The following ARHGAP24 variants were observed in gnomAD, a reference collection of about 807,000 sequenced individuals.
The protein encoded by ARHGAP24 is Rho GTPase activating protein 24, also known as rho GTPase-activating protein 24.
In ARHGAP24, 50 loss-of-function variants were observed where a neutral mutation model predicts 76.4. The ratio of observed to expected loss-of-function variants is 0.65; its 90% CI spans 0.52 to 0.83. The LOEUF (loss-of-function observed/expected upper bound fraction) is 0.83, where lower values mean the gene tolerates loss of function less well. ARHGAP24 is among the 40% of genes least tolerant of loss of function. The pLI is 0.00. For missense variants in ARHGAP24, 930 were observed against 914.2 expected, an observed-to-expected ratio of 1.02 and a Z score of -0.22; for synonymous variants, 345 against 323.3, an observed-to-expected ratio of 1.07 and a Z score of -0.72.
Position 85,648,189 on chromosome 4 carries a change from C to T in ARHGAP24, c.181-73696C>T, listed in dbSNP as rs113446112. 5.5e-3 allele frequency among the ~76,000 whole-genome samples: 844 copies of T among 152,184 alleles called. 8 individuals are homozygous for T. Among genetic ancestry groups the T allele is most frequent in the African/African-American group, 0.019 (808 of 41,538 alleles). Reference sequence around the variant, plus strand: ...CTAAATGTGGAAACTCCTGATCCTACGCCAGATCGGAGGGGGAGCTAGGTA... The same window carrying T: ...CTAAATGTGGAAACTCCTGATCCTATGCCAGATCGGAGGGGGAGCTAGGTA... On this transcript the variant is annotated intron_variant, in intron 2 of 9. Coordinates refer to ENST00000395184, the MANE Select transcript of ARHGAP24 (RefSeq NM_001025616.3).
chr4:85,527,583 A>T (rs1420403553), intron 1 of ARHGAP24, among the ~76,000 whole-genome samples: 1 of 152,166 alleles, frequency 6.6e-6, no homozygotes, highest in East Asian at 1.9e-4. Flanking sequence ...CATATGGAAA[A>T]TTTTACCTGA....
At chr4:85,701,942 T>TAGGC (rs1004849030) in intron 2 of ARHGAP24, among the ~76,000 whole-genome samples, 32 of 152,306 alleles carry the variant, frequency 2.1e-4, no homozygotes, top group Admixed American at 7.2e-4. Flanking sequence ...CTTCATGTCT[T>TAGGC]GCCTGAGAGA....
chr4:85,999,634 T>C (rs1228086960), intron 9 of ARHGAP24, among the ~76,000 whole-genome samples: 1 of 152,130 alleles, frequency 6.6e-6, no homozygotes, highest in African/African-American at 2.4e-5. Context: ...CCAAGATACA[T>C]CTTAAATAAA....
intron 1 of ARHGAP24, among the ~76,000 whole-genome samples, chr4:85,485,377 ATATATATATATATATATATATAT>A (rs1272459794): frequency 9.6e-5 from 1 of 10,380 alleles, no homozygotes; most frequent in African/African-American, 3.7e-4. Context: ...AAAAAAAAAA[ATATATATATATATATATATATAT>A]ATATATATAT....
At chr4:85,721,813 C>G (rs1291421917) in intron 2 of ARHGAP24, 72 bp from the exon 3 acceptor site, 1 of 1,312,530 alleles carries the variant, frequency 7.6e-7, no homozygotes, top group Admixed American at 1.7e-5. Context: ...CTTGGATATT[C>G]ACTGATTATA....
At chr4:85,982,253 A>G (rs894898363) in intron 8 of ARHGAP24, among the ~76,000 whole-genome samples, 17 of 152,130 alleles carry the variant, frequency 1.1e-4, no homozygotes, top group African/African-American at 2.4e-4. Context: ...TCTTTTAAAA[A>G]TTGCATAGTG....
intron 2 of ARHGAP24, among the ~76,000 whole-genome samples, chr4:85,690,962 C>T (rs762975374): frequency 6.6e-6 from 1 of 152,002 alleles, no homozygotes; most frequent in Non-Finnish European, 1.5e-5. Flanking sequence ...ATCTCTCTAC[C>T]TTCTTGGTGA....
At chr4:85,902,690 G>A (rs1481514343) in intron 3 of ARHGAP24, among the ~76,000 whole-genome samples, 2 of 152,100 alleles carry the variant, frequency 1.3e-5, no homozygotes, top group African/African-American at 4.8e-5. Context: ...TGCAACCTCC[G>A]CCTCCCAGGT....
At chr4:85,483,884 A>C (rs1722917006) in intron 1 of ARHGAP24, among the ~76,000 whole-genome samples, 1 of 152,216 alleles carries the variant, frequency 6.6e-6, no homozygotes, top group African/African-American at 2.4e-5. Flanking sequence ...CACTGCCTTT[A>C]ACAAGGCCTC....
At chr4:85,591,947 T>A (rs570403211) in intron 2 of ARHGAP24, among the ~76,000 whole-genome samples, 2 of 152,194 alleles carry the variant, frequency 1.3e-5, no homozygotes, top group East Asian at 3.9e-4. Flanking sequence ...CAATAACAAA[T>A]TTTTGTTATT....
At chr4:85,518,497 G>A (rs1246142128) in intron 1 of ARHGAP24, among the ~76,000 whole-genome samples, 1 of 152,046 alleles carries the variant, frequency 6.6e-6, no homozygotes, top group East Asian at 1.9e-4. Flanking sequence ...CATATTTGTA[G>A]TCTTTTATGC....
At chr4:85,661,124 T>C (rs1326758191) in intron 2 of ARHGAP24, among the ~76,000 whole-genome samples, 4 of 152,208 alleles carry the variant, frequency 2.6e-5, no homozygotes, top group East Asian at 1.9e-4. Context: ...GCTGTAAACA[T>C]GTTTTGTTAT....
chr4:85,955,504 G>T (rs548331313), intron 5 of ARHGAP24, among the ~76,000 whole-genome samples: 57 of 152,304 alleles, frequency 3.7e-4, no homozygotes, highest in Non-Finnish European at 6.9e-4. Context: ...TCTGTTTCAT[G>T]CCTGTCTCTT....
intron 3 of ARHGAP24, among the ~76,000 whole-genome samples, chr4:85,854,629 G>A (rs564064435): frequency 2.6e-5 from 4 of 151,818 alleles, no homozygotes; most frequent in South Asian, 2.1e-4. Context: ...TTTCTTTAGC[G>A]TGGAAAGCCC....
At chr4:85,980,583 C>T (rs1739598974) in intron 8 of ARHGAP24, among the ~76,000 whole-genome samples, 1 of 152,124 alleles carries the variant, frequency 6.6e-6, no homozygotes, top group African/African-American at 2.4e-5. Flanking sequence ...ATACTATATG[C>T]TTTCAGAATA....
chr4:85,859,674 G>A (rs1296618417), intron 3 of ARHGAP24, among the ~76,000 whole-genome samples: 1 of 152,148 alleles, frequency 6.6e-6, no homozygotes, highest in African/African-American at 2.4e-5. Flanking sequence ...GGTCCTCACC[G>A]CTATCAGATA....
At chr4:85,969,384 AT>A (rs1738824513) in intron 5 of ARHGAP24, among the ~76,000 whole-genome samples, 1 of 152,118 alleles carries the variant, frequency 6.6e-6, no homozygotes, top group African/African-American at 2.4e-5. Context: ...TATTTATTGT[AT>A]TTATTCATAA....
At chr4:85,715,197 T>A (rs77262621) in intron 2 of ARHGAP24, among the ~76,000 whole-genome samples, 2,448 of 152,146 alleles carry the variant, frequency 0.016, 78 homozygotes, top group African/African-American at 0.056. Context: ...TAATTAGAGG[T>A]TTACTTGTTT....
rs554661092 is a variant in ARHGAP24, at chr4:85,535,403, A to G, written c.-20-35119A>G. ...ATGTATGGTAAAAATTTAAGAATGT[A>G]GAAGTTGGCACTTACAATGTTATTG... On this transcript the variant is annotated intron_variant, in intron 1 of 9. Coordinates refer to ENST00000395184, the MANE Select transcript of ARHGAP24 (RefSeq NM_001025616.3). Among the ~76,000 whole-genome samples the G allele has an allele frequency of 5.3e-5, 8 of 152,342 alleles. No individual in the cohort carries two copies. In the East Asian group the frequency reaches 1.5e-3, roughly 29 times the overall value.
Sources: gnomAD v4.1 joint callset for allele counts (sites outside exome capture counted in the v4.1 genomes callset) on GRCh38, gnomAD v4.1.1 for gene constraint, MANE v1.5 for transcripts, NCBI Gene and HGNC (gene_info 2026-07-23, HGNC 2026-07-21) for gene names.